Variants in DPP10 observed in about 807,000 individuals in gnomAD.
DPP10 encodes inactive dipeptidyl peptidase 10.
A neutral mutation model predicts 120.9 loss-of-function variants in DPP10; 33 were observed. The observed-to-expected ratio is 0.27, with a 90% confidence interval of 0.21 to 0.37. The LOEUF is 0.37. Among genes scored for constraint, DPP10 ranks in the 10% least tolerant of loss-of-function variants. The probability of loss-of-function intolerance (pLI) is 1.00; values close to 1 mark genes in which losing one functional copy is unlikely to be tolerated. For missense variants in DPP10, 816 were observed against 942.8 expected (o/e 0.87, Z 1.76); for synonymous variants, 337 against 326.1 (o/e 1.03, Z -0.36).
chr2:115,611,447 T>C (rs2084092329), intron 5 of DPP10, among the ~76,000 whole-genome samples: 1 of 152,180 alleles, frequency 6.6e-6, no homozygotes, highest in South Asian at 2.1e-4. Flanking sequence ...AACAGTTTTT[T>C]CTTACCCCAC....
Position 114,973,829 on chromosome 2 carries a change from G to T in DPP10, c.61-335410G>T, listed in dbSNP as rs932634400. Among the ~76,000 whole-genome samples the T allele has an allele frequency of 2.0e-5, 3 of 152,018 alleles. No homozygotes were observed. The South Asian group carries it at 6.2e-4, about 32-fold the overall frequency. The stretch of plus-strand genomic sequence containing the variant: ...TGTGGCAGCAGAAGACCGTGATGTT[G>T]ATGATCCTGACCCTACGGAGGCCTA... On this transcript the variant is annotated intron_variant, in intron 1 of 25. Coordinates refer to ENST00000410059, the MANE Select transcript of DPP10 (RefSeq NM_020868.6).
intron 1 of DPP10, among the ~76,000 whole-genome samples, chr2:115,139,752 A>T (rs1291012880): frequency 6.6e-6 from 1 of 150,670 alleles, no homozygotes; most frequent in Non-Finnish European, 1.5e-5. Context: ...AAAAAAAAAA[A>T]AATTAAGATA....
chr2:115,255,769 T>C (rs2058957636), intron 1 of DPP10, among the ~76,000 whole-genome samples: 1 of 152,178 alleles, frequency 6.6e-6, no homozygotes, highest in African/African-American at 2.4e-5. Flanking sequence ...GTTCTTAGAC[T>C]ACTGTGGCCT....
At chr2:115,560,014 T>C (rs1216148549) in intron 5 of DPP10, among the ~76,000 whole-genome samples, 12 of 151,994 alleles carry the variant, frequency 7.9e-5, no homozygotes, top group Non-Finnish European at 4.4e-5. Context: ...TGTGAACTAG[T>C]AGGGACCAAC....
At chr2:114,839,689 T>G (rs6737312) in intron 1 of DPP10, among the ~76,000 whole-genome samples, 1,595 of 152,320 alleles carry the variant, frequency 0.01, 33 homozygotes, top group African/African-American at 0.036. Context: ...CCCCTTCTCT[T>G]CTTACTCATT....
Position 114,922,940 on chromosome 2 carries a change from C to CTA in DPP10, c.61-386298_61-386297insAT, listed in dbSNP as rs142700533. ...AGAATTATTGGTTTACATGGTAACT[C>CTA]TGTTTAACAATATGAGGAACCACCA... is the stretch of plus-strand genomic sequence containing the variant. On this transcript the variant is annotated intron_variant, in intron 1 of 25. Transcript: ENST00000410059. 9.8e-3 allele frequency among the ~76,000 whole-genome samples: 1,495 copies of CTA among 152,166 alleles called. 19 individuals carry two copies. The highest frequency in any genetic ancestry group is 0.035 in the African/African-American group (1,441 of 41,508).
intron 1 of DPP10, among the ~76,000 whole-genome samples, chr2:114,729,735 G>T (rs1184924211): frequency 6.6e-6 from 1 of 152,198 alleles, no homozygotes; most frequent in Admixed American, 6.5e-5. Flanking sequence ...AGAGACTATT[G>T]TTGTGATCTG....
At chr2:115,301,870 T>C (rs144474813) in intron 1 of DPP10, among the ~76,000 whole-genome samples, 61 of 152,158 alleles carry the variant, frequency 4.0e-4, no homozygotes, top group African/African-American at 1.3e-3. Flanking sequence ...CACAATATAT[T>C]AAGGATAGCT....
chr2:115,567,534 ATTTT>A (rs35001379), intron 5 of DPP10, among the ~76,000 whole-genome samples: 1 of 148,044 alleles, frequency 6.8e-6, no homozygotes. Context: ...AGATTTTCTC[ATTTT>A]TTTTTTTTTT....
intron 1 of DPP10, among the ~76,000 whole-genome samples, chr2:115,266,166 G>A (rs1182018798): frequency 6.6e-6 from 1 of 152,102 alleles, no homozygotes; most frequent in African/African-American, 2.4e-5. Context: ...AAGTATAGGA[G>A]TTCATTTTGG....
At chr2:115,237,594 A>G (rs2058067869) in intron 1 of DPP10, among the ~76,000 whole-genome samples, 1 of 152,226 alleles carries the variant, frequency 6.6e-6, no homozygotes, top group African/African-American at 2.4e-5. Flanking sequence ...AAGACAGGCC[A>G]AAAGCTAGGC....
intron 11 of DPP10, among the ~76,000 whole-genome samples, chr2:115,753,975 C>T (rs116295433): frequency 0.014 from 2,077 of 152,184 alleles, 21 homozygotes; most frequent in Middle Eastern, 0.037. Context: ...TACGTGTTAC[C>T]TGACTAGCTT....
intron 1 of DPP10, among the ~76,000 whole-genome samples, chr2:114,512,432 A>G (rs185698285): frequency 6.6e-6 from 1 of 152,224 alleles, no homozygotes; most frequent in East Asian, 1.9e-4. Flanking sequence ...TAGAAACTGC[A>G]TTTTCTGCTT....
intron 1 of DPP10, among the ~76,000 whole-genome samples, chr2:115,055,560 T>C (rs982518443): frequency 2.6e-5 from 4 of 152,212 alleles, no homozygotes; most frequent in Non-Finnish European, 5.9e-5. Flanking sequence ...ATTTTTATAA[T>C]TGAAATATAA....
At chr2:115,736,763 A>G (rs1177837343) in intron 8 of DPP10, among the ~76,000 whole-genome samples, 2 of 152,162 alleles carry the variant, frequency 1.3e-5, no homozygotes, top group African/African-American at 4.8e-5. Flanking sequence ...GATGGCCACT[A>G]CCATTGGCAG....
intron 3 of DPP10, among the ~76,000 whole-genome samples, chr2:115,348,783 C>T (rs1000340750): frequency 2.3e-4 from 35 of 152,110 alleles, no homozygotes; most frequent in Admixed American, 1.1e-3. Flanking sequence ...GAGATTTTAC[C>T]GTGCAGCTAG....
chr2:115,784,228 A>G (rs1015349766), intron 17 of DPP10, among the ~76,000 whole-genome samples: 4 of 152,214 alleles, frequency 2.6e-5, no homozygotes, highest in Admixed American at 1.3e-4. Context: ...GATAAAATTT[A>G]TAGTCAATGG....
intron 1 of DPP10, among the ~76,000 whole-genome samples, chr2:114,463,193 A>G (rs1045222669): frequency 2.0e-5 from 3 of 152,166 alleles, no homozygotes; most frequent in Non-Finnish European, 2.9e-5. Context: ...ATGTATACAT[A>G]TCTATAATTA....
intron 1 of DPP10, among the ~76,000 whole-genome samples, chr2:115,092,440 G>T (rs989060401): frequency 6.6e-6 from 1 of 151,984 alleles, no homozygotes; most frequent in Non-Finnish European, 1.5e-5. Flanking sequence ...CCCCATAAGC[G>T]TGTCTGTTTT....
Sources: gnomAD v4.1 joint callset for allele counts (sites outside exome capture counted in the v4.1 genomes callset) on GRCh38, gnomAD v4.1.1 for gene constraint, MANE v1.5 for transcripts, NCBI Gene and HGNC (gene_info 2026-07-23, HGNC 2026-07-21) for gene names.